FRMD3: variants seen among roughly 807,000 people sequenced by gnomAD.
FRMD3 encodes the protein FERM domain-containing protein 3.
In FRMD3, 33 loss-of-function variants were observed where a neutral mutation model predicts 70.2. That is an observed-to-expected ratio of 0.47 (90% CI 0.36 to 0.63). The LOEUF (loss-of-function observed/expected upper bound fraction) is 0.63, where lower values mean the gene tolerates loss of function less well. Among genes scored for constraint, FRMD3 ranks in the 20% least tolerant of loss-of-function variants. FRMD3 has a pLI of 0.00. For missense variants in FRMD3, 632 were observed against 711.4 expected (o/e 0.89, Z 1.27); for synonymous variants, 279 against 255.9 (o/e 1.09, Z -0.86).
At chr9:83,271,754 G>T (rs1833559805) in intron 13 of FRMD3, among the ~76,000 whole-genome samples, 1 of 152,166 alleles carries the variant, frequency 6.6e-6, no homozygotes, top group African/African-American at 2.4e-5. Flanking sequence ...TGAGATAACT[G>T]CTCTCTGGGG....
intron 1 of FRMD3, among the ~76,000 whole-genome samples, chr9:83,500,632 C>T (rs1247497253): frequency 6.6e-6 from 1 of 151,994 alleles, no homozygotes; most frequent in African/African-American, 2.4e-5. Context: ...AGAGCTTTAT[C>T]TTCTCTTCAT....
chr9:83,525,395 C>G (rs1334473157), intron 1 of FRMD3, among the ~76,000 whole-genome samples: 1 of 152,054 alleles, frequency 6.6e-6, no homozygotes, highest in Non-Finnish European at 1.5e-5. Context: ...TTTTGTAGAA[C>G]TTGAATTATT....
At chr9:83,445,671 G>A (rs562805065) in intron 1 of FRMD3, among the ~76,000 whole-genome samples, 19 of 152,188 alleles carry the variant, frequency 1.2e-4, no homozygotes, top group Admixed American at 8.5e-4. Context: ...GTGGATTTAG[G>A]AAAATAGACA....
chr9:83,547,607 A>C, the FRMD3 span, among the ~76,000 whole-genome samples: 1 of 152,144 alleles, frequency 6.6e-6, no homozygotes, highest in Admixed American at 6.6e-5. Flanking sequence ...TCAACAATCC[A>C]ATGACATCAC....
chr9:83,268,986 C>T (rs911790393), intron 13 of FRMD3, among the ~76,000 whole-genome samples: 1 of 152,208 alleles, frequency 6.6e-6, no homozygotes, highest in Admixed American at 6.5e-5. Context: ...AAGGTGGGGC[C>T]CAGGACTAGT....
At chr9:83,285,451 C>G (rs938544486) in intron 13 of FRMD3, among the ~76,000 whole-genome samples, 1 of 152,120 alleles carries the variant, frequency 6.6e-6, no homozygotes, top group African/African-American at 2.4e-5. Flanking sequence ...CTGGTGTCTC[C>G]ATTGTGCTTT....
At chr9:83,349,120 A>G (rs149545944) in intron 4 of FRMD3, among the ~76,000 whole-genome samples, 2 of 152,276 alleles carry the variant, frequency 1.3e-5, no homozygotes, top group East Asian at 3.9e-4. Flanking sequence ...AAGGAAGCCA[A>G]ACCCCCAGAA....
intron 1 of FRMD3, among the ~76,000 whole-genome samples, chr9:83,400,596 C>A (rs1223694121): frequency 1.3e-5 from 2 of 152,082 alleles, no homozygotes; most frequent in Non-Finnish European, 2.9e-5. Context: ...TGATGACAAA[C>A]AATGTCAGAG....
In FRMD3 at chr9:83,404,908, G is replaced by A. The variant is rs572251969; in HGVS notation, c.148-15200C>T. Among the ~76,000 whole-genome samples, 17 of 152,316 alleles carry A rather than the reference G, an allele frequency of 1.1e-4. 1 individual carries two copies. In the South Asian group the frequency reaches 3.5e-3, roughly 32 times the overall value. ...TAATGTGTTTCTTTTTCACGGCACA[G>A]GACACTGGTTTACTCTCTGAAGGGA... On this transcript the variant is annotated intron_variant, in intron 1 of 13. Coordinates refer to ENST00000304195, the MANE Select transcript of FRMD3 (RefSeq NM_174938.6).
rs368058300 is a variant in FRMD3 at position 83,528,375 on chromosome 9, T to TG, written c.147+9709dup. 5.1e-3 allele frequency among the ~76,000 whole-genome samples: 782 copies of TG among 152,248 alleles called. 7 individuals are homozygous for TG. Among genetic ancestry groups the TG allele is most frequent in the African/African-American group, 0.018 (754 of 41,540 alleles). On this transcript the variant is annotated intron_variant, in intron 1 of 13. Transcript: ENST00000304195. ...ATAACATACATATTTTCTGTGAACA[T>TG]GCAGTGTTTTTTATTTAATTGACAT...
intron 6 of FRMD3, among the ~76,000 whole-genome samples, chr9:83,329,079 A>G (rs1179505656): frequency 6.6e-6 from 1 of 152,180 alleles, no homozygotes; most frequent in Non-Finnish European, 1.5e-5. Flanking sequence ...TATAAAAAAC[A>G]TGAATGGCTT....
chr9:83,263,920 G>GA (rs1428046631), intron 13 of FRMD3, among the ~76,000 whole-genome samples: 1 of 152,128 alleles, frequency 6.6e-6, no homozygotes, highest in East Asian at 1.9e-4. Flanking sequence ...TAGCATAAAA[G>GA]AAAATCTCAA....
At chr9:83,368,206 C>T (rs988537255) in intron 3 of FRMD3, among the ~76,000 whole-genome samples, 1 of 152,144 alleles carries the variant, frequency 6.6e-6, no homozygotes, top group Non-Finnish European at 1.5e-5. Context: ...GTGATGAAAA[C>T]CAGGACACTG....
chr9:83,492,168 A>G (rs920640961), intron 1 of FRMD3, among the ~76,000 whole-genome samples: 2 of 152,320 alleles, frequency 1.3e-5, no homozygotes, highest in African/African-American at 4.8e-5. Context: ...CCCTACATTC[A>G]TTAATGTCCT....
At chr9:83,552,671 A>G in the FRMD3 span, among the ~76,000 whole-genome samples, 1 of 152,040 alleles carries the variant, frequency 6.6e-6, no homozygotes, top group Non-Finnish European at 1.5e-5. Context: ...CATATATATC[A>G]CATATATTTA....
intron 13 of FRMD3, among the ~76,000 whole-genome samples, chr9:83,263,057 G>GAAT (rs961210837): frequency 3.4e-4 from 51 of 152,192 alleles, no homozygotes; most frequent in African/African-American, 1.1e-3. Flanking sequence ...GATCATCCTG[G>GAAT]AATGGTACAG....
intron 3 of FRMD3, among the ~76,000 whole-genome samples, chr9:83,369,761 CTGTT>C (rs1824912165): frequency 6.6e-6 from 1 of 151,906 alleles, no homozygotes; most frequent in African/African-American, 2.4e-5. Flanking sequence ...GATCTCACTG[CTGTT>C]TATCAAAGGA....
At chr9:83,464,315 C>A (rs1423251909) in intron 1 of FRMD3, among the ~76,000 whole-genome samples, 2 of 152,204 alleles carry the variant, frequency 1.3e-5, no homozygotes, top group Non-Finnish European at 2.9e-5. Context: ...TCTATGAGTA[C>A]CAGCAGTCGC....
At position 83,248,476 on chromosome 9, in the gene FRMD3, C is replaced by G. The variant is rs774463395; in HGVS notation, c.1236G>C (p.Leu412Phe). 6.2e-7 allele frequency: 1 copy of G among 1,612,758 alleles called. No homozygotes were observed. The highest frequency in any genetic ancestry group is 1.1e-5 in the South Asian group (1 of 91,066). ...LPKEENISAP[L>F]ISSSPVKAAR... Reference sequence around the variant, plus strand: ...CTGCCTTCACTGGGGAGCTGGAGATCAAGGGAGCAGAAATGTTCTCCTCTT... The same window carrying G: ...CTGCCTTCACTGGGGAGCTGGAGATGAAGGGAGCAGAAATGTTCTCCTCTT... Residue 412 changes from leucine to phenylalanine, a missense_variant, in exon 14 of 14, where the codon TTG (leucine) becomes TTC (phenylalanine). By Grantham distance (22) the Leu-to-Phe change is conservative (BLOSUM62 0). Coordinates refer to ENST00000304195, the MANE Select transcript of FRMD3 (RefSeq NM_174938.6).
Sources: gnomAD v4.1 joint callset for allele counts (sites outside exome capture counted in the v4.1 genomes callset) on GRCh38, gnomAD v4.1.1 for gene constraint, MANE v1.5 for transcripts, NCBI Gene and HGNC (gene_info 2026-07-23, HGNC 2026-07-21) for gene names.